Variants in PECAM1 observed in about 807,000 individuals in gnomAD.
PECAM1 encodes platelet and endothelial cell adhesion molecule 1, also known as platelet endothelial cell adhesion molecule.
In PECAM1, 8 loss-of-function variants were observed where a neutral mutation model predicts 13.8. That is an observed-to-expected ratio of 0.58 (90% CI 0.34 to 1.05). PECAM1 has a LOEUF of 1.05. Ranked by LOEUF, PECAM1 falls within the 50% of genes least tolerant of loss-of-function variation. PECAM1 has a pLI of 0.03. For missense variants in PECAM1, 304 were observed against 141.2 expected (o/e 2.15, Z -5.84); for synonymous variants, 136 against 52.6 (o/e 2.58, Z -6.86).
chr17:64,384,448 C>T (rs1020719190), intron 2 of PECAM1, among the ~76,000 whole-genome samples: 2 of 152,166 alleles, frequency 1.3e-5, no homozygotes, highest in East Asian at 1.9e-4. Context: ...TCACCTCCCA[C>T]GTTAACATTA....
intron 13 of PECAM1, among the ~76,000 whole-genome samples, chr17:64,347,423 C>T (rs1172610927): frequency 5.3e-5 from 8 of 150,014 alleles, no homozygotes; most frequent in African/African-American, 7.3e-5. Flanking sequence ...CCCAGCTACT[C>T]GGGAGGCTGA....
In PECAM1 at chr17:64,321,803, G is replaced by A; in HGVS notation, c.*2013C>T. On this transcript the variant is annotated 3_prime_UTR_variant, in exon 16 of 16. Transcript: ENST00000563924. ...CAAAAAATTCAGTCGTGCTGCATAA[G>A]TAAGGCACCAGGAGTAGGAATAGGG... 7.5e-7 allele frequency: 1 copy of A among 1,335,912 alleles called. No homozygotes were observed. 82.8% of individuals were successfully genotyped at this position (1,335,912 alleles called of 1,614,324 possible). A position where few individuals can be genotyped will look rare whatever the true frequency, so the allele number is the denominator to read the frequency against.
Position 64,341,667 on chromosome 17 carries a change from T to C in PECAM1, c.2131A>G (p.Thr711Ala). 2.2e-6 allele frequency: 1 copy of C among 452,270 alleles called. No homozygotes were observed. The highest frequency in any genetic ancestry group is 4.0e-6 in the Non-Finnish European group (1 of 247,980). The allele number at this position is 452,270 out of a possible 1,614,324, so 28.0% of individuals were successfully genotyped here. ...HKDLGKKDTE[T>A]VYSEVRKAVP... ...GCTTTCCGGACTTCACTGTACACTG[T>C]CTCTGTGTCCTTCTTTCCTAGATCT... Residue 711 changes from threonine to alanine, a missense_variant, in exon 14 of 16, where the codon ACA becomes GCA. Coordinates refer to ENST00000563924, the MANE Select transcript of PECAM1 (RefSeq NM_000442.5).
At position 64,350,424 on chromosome 17, in the gene PECAM1, T is replaced by A; in HGVS notation, c.2000A>T (p.Asp667Val). 2.3e-6 allele frequency: 1 copy of A among 430,846 alleles called. No homozygotes were observed. The highest frequency in any genetic ancestry group is 4.3e-6 in the Non-Finnish European group (1 of 234,630). The allele number at this position is 430,846 out of a possible 1,614,324, so 26.7% of individuals were successfully genotyped here. A position where few individuals can be genotyped will look rare whatever the true frequency, so the allele number is the denominator to read the frequency against. The change falls in exon 12 of 16, where the codon GAC (aspartate) becomes GTC (valine). Residue 667 changes from aspartate (D) to valine (V), a missense_variant. Physicochemically the swap from Asp to Val is radical, Grantham distance 152. Coordinates refer to ENST00000563924, the MANE Select transcript of PECAM1 (RefSeq NM_000442.5). ...MEANSHYGHN[D>V]DVRNHAMKPI... is the part of the protein sequence containing the mutation. ...TTTCATTGCATGGTTTCTGACATCG[T>A]CATTGTGACCTAGTTGAAAAATAAC...
chr17:64,321,573 C>A lies in PECAM1; in HGVS notation c.*2243G>T. On this transcript the variant is annotated 3_prime_UTR_variant, in exon 16 of 16. Coordinates refer to ENST00000563924, the MANE Select transcript of PECAM1 (RefSeq NM_000442.5). ...AGAAGTTCGAGACCAGCCTGGGCAC[C>A]ATGGTGAAACCTCATCTCTGCAAAA... The A allele has an allele frequency of 1.9e-6, 1 of 520,644 alleles. No individual in the cohort carries two copies. The highest frequency in any genetic ancestry group is 4.0e-5 in the South Asian group (1 of 25,296). The allele number at this position is 520,644 out of a possible 1,614,324, so 32.3% of individuals were successfully genotyped here. A position where few individuals can be genotyped will look rare whatever the true frequency, so the allele number is the denominator to read the frequency against.
Position 64,387,491 on chromosome 17 carries a change from G to C in PECAM1, c.91+2998C>G, listed in dbSNP as rs914417170. Among the ~76,000 whole-genome samples, 366 of 152,326 alleles carry C rather than the reference G, an allele frequency of 2.4e-3. 1 individual carries two copies. The highest frequency in any genetic ancestry group is 8.4e-3 in the African/African-American group (351 of 41,580). ...TAAAAAAAGAGTTCCCATTCACTGA[G>C]AGAACAGAGCCAGAAGCAGAAATAG... On this transcript the variant is annotated intron_variant, in intron 2 of 15. Coordinates refer to ENST00000563924, the MANE Select transcript of PECAM1 (RefSeq NM_000442.5).
In PECAM1 at chr17:64,321,824, T is replaced by C. The variant is rs782579443; in HGVS notation, c.*1992A>G. ...ATAAGTAAGGCACCAGGAGTAGGAA[T>C]AGGGTCTTTGCAGCTCCCGTGGCAA... is the stretch of plus-strand genomic sequence containing the variant. On this transcript the variant is annotated 3_prime_UTR_variant, in exon 16 of 16. Transcript: ENST00000563924. 18 of 1,347,126 alleles carry C rather than the reference T, an allele frequency of 1.3e-5. No homozygotes were observed. Among genetic ancestry groups the C allele is most frequent in the Non-Finnish European group, 1.7e-5 (17 of 1,017,742 alleles). The allele number at this position is 1,347,126 out of a possible 1,614,324, so 83.4% of individuals were successfully genotyped here. A position where few individuals can be genotyped will look rare whatever the true frequency, so the allele number is the denominator to read the frequency against.
At position 64,323,575 on chromosome 17, in the gene PECAM1, G is replaced by C. The variant is rs1432931043; in HGVS notation, c.*241C>G. On this transcript the variant is annotated 3_prime_UTR_variant, in exon 16 of 16. Coordinates refer to ENST00000563924, the MANE Select transcript of PECAM1 (RefSeq NM_000442.5). ...TTGTGCTCTTCCAATTTCCAAGGAT[G>C]TTCCAACTTGGTGGAAGGAGGGTAT... The C allele has an allele frequency of 7.0e-7, 1 of 1,419,482 alleles. No homozygotes were observed. The highest frequency in any genetic ancestry group is 9.2e-7 in the Non-Finnish European group (1 of 1,090,394). 87.9% of individuals were successfully genotyped at this position (1,419,482 alleles called of 1,614,324 possible). A position where few individuals can be genotyped will look rare whatever the true frequency, so the allele number is the denominator to read the frequency against.
intron 4 of PECAM1, among the ~76,000 whole-genome samples, chr17:64,373,749 A>T (rs931552700): frequency 1.9e-4 from 29 of 152,300 alleles, no homozygotes; most frequent in Non-Finnish European, 2.6e-4. Context: ...ACACACATAC[A>T]CACAATGGGC....
intron 8 of PECAM1, among the ~76,000 whole-genome samples, 177 bp from the exon 9 acceptor site, chr17:64,355,217 A>T (rs1306493113): frequency 6.6e-6 from 1 of 152,326 alleles, no homozygotes; most frequent in South Asian, 2.1e-4. Flanking sequence ...GCTGGTGCAG[A>T]AATGATTGTT....
chr17:64,383,610 C>G (rs1261008111), intron 2 of PECAM1, among the ~76,000 whole-genome samples: 1 of 152,218 alleles, frequency 6.6e-6, no homozygotes, highest in Non-Finnish European at 1.5e-5. Flanking sequence ...ACAACTCTTC[C>G]TACTCTGGGC....
intron 14 of PECAM1, among the ~76,000 whole-genome samples, chr17:64,340,007 T>C (rs2143725261): frequency 6.6e-6 from 1 of 152,210 alleles, no homozygotes; most frequent in East Asian, 1.9e-4. Context: ...AAAACTTAGC[T>C]GGGCATGGTG....
chr17:64,386,162 C>T (rs7210642), intron 2 of PECAM1, among the ~76,000 whole-genome samples: 6,006 of 152,104 alleles, frequency 0.039, 396 homozygotes, highest in African/African-American at 0.14. Flanking sequence ...CCCAGCACTT[C>T]GGGAGGCCAA....
intron 15 of PECAM1, among the ~76,000 whole-genome samples, chr17:64,329,238 G>A (rs548282450): frequency 6.6e-6 from 1 of 152,128 alleles, no homozygotes; most frequent in Non-Finnish European, 1.5e-5. Flanking sequence ...TATGATAAGT[G>A]ATCACATGTC....
At chr17:64,326,722 C>T (rs1305040136) in intron 15 of PECAM1, among the ~76,000 whole-genome samples, 1 of 152,196 alleles carries the variant, frequency 6.6e-6, no homozygotes, top group Non-Finnish European at 1.5e-5. Context: ...ATCAACAGGG[C>T]CTTAGGGATT....
chr17:64,344,732 G>A (rs2143746927), intron 13 of PECAM1, among the ~76,000 whole-genome samples: 1 of 152,284 alleles, frequency 6.6e-6, no homozygotes, highest in South Asian at 2.1e-4. Flanking sequence ...AAGGCAGAGA[G>A]GGAACACCTG....
chr17:64,363,001 T>G (rs1358083190), intron 6 of PECAM1, 148 bp downstream of exon 6: 1 of 430,778 alleles, frequency 2.3e-6, no homozygotes, highest in African/African-American at 2.0e-5. Context: ...TACCTCCTTG[T>G]TTCTTTGGCC....
intron 4 of PECAM1, among the ~76,000 whole-genome samples, chr17:64,374,269 C>A: frequency 6.6e-6 from 1 of 152,228 alleles, no homozygotes; most frequent in East Asian, 1.9e-4. Flanking sequence ...GTGAGTAGAT[C>A]ATCTGAGGTT....
chr17:64,326,866 C>T (rs561199053), intron 15 of PECAM1, among the ~76,000 whole-genome samples: 1 of 152,332 alleles, frequency 6.6e-6, no homozygotes, highest in African/African-American at 2.4e-5. Context: ...TGGTCTCCCT[C>T]AAAGGTCATT....
Sources: gnomAD v4.1 joint callset for allele counts (sites outside exome capture counted in the v4.1 genomes callset) on GRCh38, gnomAD v4.1.1 for gene constraint, MANE v1.5 for transcripts, NCBI Gene and HGNC (gene_info 2026-07-23, HGNC 2026-07-21) for gene names.